The following DOK6 variants were observed in gnomAD, a reference collection of about 807,000 sequenced individuals.
DOK6 encodes docking protein 6.
DOK6 carries 22 observed loss-of-function variants against 44.0 expected under a neutral mutation model. That is an observed-to-expected ratio of 0.50 (90% CI 0.36 to 0.71). DOK6 has a LOEUF of 0.71. DOK6 is among the 30% of genes least tolerant of loss of function. DOK6 has a pLI of 0.00. For missense variants in DOK6, 340 were observed against 416.4 expected, an observed-to-expected ratio of 0.82 and a Z score of 1.60; for synonymous variants, 166 against 145.5, an observed-to-expected ratio of 1.14 and a Z score of -1.01.
At chr18:69,603,084 T>C (rs11877686) in intron 3 of DOK6, among the ~76,000 whole-genome samples, 55,808 of 152,058 alleles carry the variant, frequency 0.37, 10,298 homozygotes, top group Middle Eastern at 0.52. Flanking sequence ...TTTTTCAATG[T>C]AGGTGATTCA....
At chr18:69,824,179 A>T (rs1423636328) in intron 7 of DOK6, among the ~76,000 whole-genome samples, 1 of 103,904 alleles carries the variant, frequency 9.6e-6, no homozygotes, top group Non-Finnish European at 2.0e-5. Flanking sequence ...ATATCTCCTA[A>T]TGCTATCCCT....
At chr18:69,664,093 T>G (rs1985597065) in intron 3 of DOK6, among the ~76,000 whole-genome samples, 1 of 152,218 alleles carries the variant, frequency 6.6e-6, no homozygotes, top group South Asian at 2.1e-4. Context: ...GGTTGAAATT[T>G]TAAATGTACT....
intron 5 of DOK6, among the ~76,000 whole-genome samples, chr18:69,715,122 A>T (rs1363131655): frequency 6.6e-6 from 1 of 152,228 alleles, no homozygotes; most frequent in Non-Finnish European, 1.5e-5. Context: ...ACAAGAATAT[A>T]AAATCTACAA....
At chr18:69,481,492 C>T (rs1201498719) in intron 1 of DOK6, among the ~76,000 whole-genome samples, 17 of 151,914 alleles carry the variant, frequency 1.1e-4, no homozygotes, top group Non-Finnish European at 2.4e-4. Flanking sequence ...TTTGTCCTTG[C>T]GATAGTTTCT....
intron 5 of DOK6, among the ~76,000 whole-genome samples, chr18:69,700,096 A>T (rs1356328105): frequency 6.6e-6 from 1 of 151,908 alleles, no homozygotes; most frequent in Non-Finnish European, 1.5e-5. Context: ...TGCCCCCATG[A>T]TTCAGTTATC....
chr18:69,460,646 G>C (rs1406745670), intron 1 of DOK6, among the ~76,000 whole-genome samples: 1 of 152,048 alleles, frequency 6.6e-6, no homozygotes, highest in Non-Finnish European at 1.5e-5. Flanking sequence ...TTGATATCTG[G>C]CAAACTCATT....
chr18:69,641,405 C>T (rs1031166665), intron 3 of DOK6, among the ~76,000 whole-genome samples: 5 of 152,094 alleles, frequency 3.3e-5, no homozygotes, highest in African/African-American at 1.2e-4. Flanking sequence ...CAGTTGCTTA[C>T]AAAACCTTAG....
At chr18:69,642,992 T>G (rs1317296213) in intron 3 of DOK6, among the ~76,000 whole-genome samples, 2 of 152,226 alleles carry the variant, frequency 1.3e-5, no homozygotes, top group African/African-American at 4.8e-5. Flanking sequence ...TTTTAGATGG[T>G]CTTAGAAAAA....
chr18:69,432,946 T>G (rs1040496280), intron 1 of DOK6, among the ~76,000 whole-genome samples: 1 of 152,204 alleles, frequency 6.6e-6, no homozygotes, highest in Non-Finnish European at 1.5e-5. Flanking sequence ...ACATTCCATG[T>G]TAATAAATCA....
chr18:69,593,785 G>A (rs1227302950), intron 2 of DOK6, among the ~76,000 whole-genome samples: 1 of 152,090 alleles, frequency 6.6e-6, no homozygotes, highest in Non-Finnish European at 1.5e-5. Flanking sequence ...AAAACCTTTG[G>A]AAAAGGTTCT....
At chr18:69,646,881 C>T (rs1040235189) in intron 3 of DOK6, among the ~76,000 whole-genome samples, 4 of 152,124 alleles carry the variant, frequency 2.6e-5, no homozygotes, top group African/African-American at 4.8e-5. Flanking sequence ...TGTGTCTGGT[C>T]AATATCTTGA....
At chr18:69,833,565 C>T (rs1595171) in intron 7 of DOK6, among the ~76,000 whole-genome samples, 146,454 of 152,202 alleles carry the variant, frequency 0.96, 70,719 homozygotes, top group East Asian at 1. Flanking sequence ...AATGGTATTA[C>T]ATCATGCTAA....
intron 7 of DOK6, among the ~76,000 whole-genome samples, chr18:69,808,054 G>A (rs1568132016): frequency 1.3e-5 from 2 of 151,780 alleles, no homozygotes; most frequent in Non-Finnish European, 3.0e-5. Flanking sequence ...CACAATACAA[G>A]TCTGAACAAA....
At chr18:69,610,548 G>T (rs1984114257) in intron 3 of DOK6, among the ~76,000 whole-genome samples, 1 of 152,096 alleles carries the variant, frequency 6.6e-6, no homozygotes, top group Admixed American at 6.5e-5. Context: ...CCTTTGAGAA[G>T]ATTTCAATCA....
chr18:69,738,824 G>T (rs1351768972), intron 5 of DOK6, 141 bp from the exon 6 acceptor site: 11 of 991,284 alleles, frequency 1.1e-5, no homozygotes, highest in Middle Eastern at 2.2e-4. Context: ...TGGTTGGTTT[G>T]GTTACGGCTG....
At chr18:69,706,055 G>A (rs1986626214) in intron 5 of DOK6, among the ~76,000 whole-genome samples, 1 of 152,198 alleles carries the variant, frequency 6.6e-6, no homozygotes, top group Non-Finnish European at 1.5e-5. Context: ...TCTCAAGCGA[G>A]AGAACTTGAC....
At chr18:69,569,112 G>A (rs954549599) in intron 2 of DOK6, among the ~76,000 whole-genome samples, 5 of 152,122 alleles carry the variant, frequency 3.3e-5, no homozygotes, top group Non-Finnish European at 5.9e-5. Flanking sequence ...GTGCCAAACA[G>A]GTTGGGAACT....
intron 3 of DOK6, among the ~76,000 whole-genome samples, chr18:69,608,891 A>T (rs923417666): frequency 6.7e-6 from 1 of 149,828 alleles, no homozygotes; most frequent in African/African-American, 2.5e-5. Flanking sequence ...TGGAGGTTGC[A>T]GTGAGCCGAG....
rs540889947 is a variant in DOK6, at chr18:69,479,686, A to T, written c.66+78376A>T. Among the ~76,000 whole-genome samples the T allele has an allele frequency of 2.0e-3, 306 of 152,292 alleles. 4 individuals carry two copies. The highest frequency in any genetic ancestry group is 3.8e-3 in the Non-Finnish European group (256 of 68,000). On this transcript the variant is annotated intron_variant, in intron 1 of 7. Coordinates refer to ENST00000382713, the MANE Select transcript of DOK6 (RefSeq NM_152721.6). ...TTGGCAAATTTTCACACACAAAAAG[A>T]AATACTCCTTATCACCTGTGGTATC...
Sources: allele counts gnomAD v4.1 joint callset (sites outside exome capture counted in the v4.1 genomes callset), GRCh38; gene constraint gnomAD v4.1.1; transcripts MANE v1.5; gene names NCBI Gene and HGNC (gene_info 2026-07-23, HGNC 2026-07-21).